The following METTL24 variants were observed in gnomAD, a reference collection of about 807,000 sequenced individuals.
METTL24 encodes the protein methyltransferase like 24.
A neutral mutation model predicts 32.7 loss-of-function variants in METTL24; 29 were observed. The ratio of observed to expected loss-of-function variants is 0.89; its 90% CI spans 0.66 to 1.21. The LOEUF (loss-of-function observed/expected upper bound fraction) is 1.21, where lower values mean the gene tolerates loss of function less well. Among genes scored for constraint, METTL24 ranks in the 50% most tolerant of loss-of-function variants. The pLI is 0.00. For synonymous variants in METTL24, 163 were observed against 179.5 expected (o/e 0.91, Z 0.73); for missense variants, 439 against 468.1 (o/e 0.94, Z 0.57).
chr6:110,327,793 T>C (rs1772041629), intron 1 of METTL24, among the ~76,000 whole-genome samples: 1 of 152,248 alleles, frequency 6.6e-6, no homozygotes, highest in African/African-American at 2.4e-5. Flanking sequence ...ACAAAAATCA[T>C]CTTTCCCTTT....
rs1778150518 is a variant in METTL24 at position 110,246,003 on chromosome 6, GTC to G, written c.1042_1043del (p.Asp348HisfsTer6). On this transcript the variant is annotated frameshift_variant, in exon 5 of 5. Transcript: ENST00000338882. LOFTEE classifies it high-confidence loss of function. ...LSKPQLFLKK[D>X]IFNASSCYTL... ...TATAACAGCTACTTGCATTGAAAAT[GTC>G]TTTCTTCAAGAATAGCTGAGGTTTA... 1 of 1,614,170 alleles carries G rather than the reference GTC, an allele frequency of 6.2e-7. No homozygotes were observed. Among genetic ancestry groups the G allele is most frequent in the Admixed American group, 1.7e-5 (1 of 60,026 alleles).
At chr6:110,272,920 T>C (rs911351788) in intron 4 of METTL24, among the ~76,000 whole-genome samples, 1 of 152,196 alleles carries the variant, frequency 6.6e-6, no homozygotes, top group African/African-American at 2.4e-5. Context: ...GGGTTGTCTG[T>C]TTACTTTGCT....
chr6:110,258,033 A>G (rs1334435557), intron 4 of METTL24, among the ~76,000 whole-genome samples: 3 of 152,196 alleles, frequency 2.0e-5, no homozygotes, highest in Non-Finnish European at 2.9e-5. Flanking sequence ...TTCAGAGTAA[A>G]ACAATAGGAC....
At chr6:110,255,347 T>C (rs556537924) in intron 4 of METTL24, among the ~76,000 whole-genome samples, 7 of 152,134 alleles carry the variant, frequency 4.6e-5, no homozygotes, top group African/African-American at 1.7e-4. Flanking sequence ...TCTCCTGAGC[T>C]GGGTGAGGTG....
intron 4 of METTL24, among the ~76,000 whole-genome samples, chr6:110,266,671 C>T (rs1770862772): frequency 1.3e-5 from 2 of 152,092 alleles, no homozygotes; most frequent in African/African-American, 4.8e-5. Context: ...TTGGTCACTT[C>T]CTTTGGGCTG....
At chr6:110,340,901 G>T (rs993400543) in intron 1 of METTL24, among the ~76,000 whole-genome samples, 1 of 151,874 alleles carries the variant, frequency 6.6e-6, no homozygotes, top group Non-Finnish European at 1.5e-5. Context: ...GAAAAGTTTG[G>T]ATTTCAAAAT....
At chr6:110,279,463 T>A (rs1771102039) in intron 4 of METTL24, among the ~76,000 whole-genome samples, 1 of 152,096 alleles carries the variant, frequency 6.6e-6, no homozygotes, top group Admixed American at 6.6e-5. Context: ...CTCTTGAGGG[T>A]AATTTAGCAA....
chr6:110,288,151 T>G (rs940023224), intron 4 of METTL24, among the ~76,000 whole-genome samples: 2 of 152,152 alleles, frequency 1.3e-5, no homozygotes, highest in Non-Finnish European at 2.9e-5. Flanking sequence ...CTGCAGGGAC[T>G]GCGTTCAAGT....
chr6:110,261,172 C>T (rs1338733162), intron 4 of METTL24, among the ~76,000 whole-genome samples: 1 of 152,090 alleles, frequency 6.6e-6, no homozygotes, highest in Admixed American at 6.5e-5. Context: ...ACAGACTTGG[C>T]AAATTGGATA....
intron 1 of METTL24, among the ~76,000 whole-genome samples, chr6:110,334,084 AG>A (rs909467797): frequency 6.8e-6 from 1 of 147,650 alleles, no homozygotes; most frequent in Admixed American, 6.7e-5. Flanking sequence ...GAACAGGAAA[AG>A]GGGGGCCTGA....
chr6:110,253,624 A>G (rs1778325259), intron 4 of METTL24, among the ~76,000 whole-genome samples: 1 of 152,212 alleles, frequency 6.6e-6, no homozygotes, highest in Non-Finnish European at 1.5e-5. Context: ...GATAAACAAA[A>G]AAAGAAGTAA....
chr6:110,345,720 A>G (rs1772459479), intron 1 of METTL24, among the ~76,000 whole-genome samples: 1 of 152,182 alleles, frequency 6.6e-6, no homozygotes, highest in South Asian at 2.1e-4. Context: ...AATGGGAGCT[A>G]ATGATGAAAA....
In METTL24 at chr6:110,245,844, G is replaced by A. The variant is rs879542467; in HGVS notation, c.*102C>T. 7 of 1,202,992 alleles carry A rather than the reference G, an allele frequency of 5.8e-6. No individual in the cohort carries two copies. The highest frequency in any genetic ancestry group is 8.2e-6 in the Non-Finnish European group (7 of 852,518). 74.5% of individuals were successfully genotyped at this position (1,202,992 alleles called of 1,614,324 possible). ...TAACACACTCCCTGCCTCAAGCAGGGCACAGGCTAGCAGGAGACTGGATGA... is the reference window on the plus strand; with the variant it reads ...TAACACACTCCCTGCCTCAAGCAGGACACAGGCTAGCAGGAGACTGGATGA... On this transcript the variant is annotated 3_prime_UTR_variant, in exon 5 of 5. Transcript: ENST00000338882.
At chr6:110,340,195 G>C (rs1353714176) in intron 1 of METTL24, among the ~76,000 whole-genome samples, 3 of 151,104 alleles carry the variant, frequency 2.0e-5, no homozygotes, top group Non-Finnish European at 4.4e-5. Context: ...GCACAAGGAG[G>C]ATGGAGCTAG....
At chr6:110,275,168 C>A (rs1425154327) in intron 4 of METTL24, among the ~76,000 whole-genome samples, 1 of 151,810 alleles carries the variant, frequency 6.6e-6, no homozygotes, top group Non-Finnish European at 1.5e-5. Context: ...TGTCCACCTT[C>A]CACAATGTTT....
intron 3 of METTL24, among the ~76,000 whole-genome samples, chr6:110,301,106 T>A (rs1771509148): frequency 6.6e-6 from 1 of 152,206 alleles, no homozygotes; most frequent in Non-Finnish European, 1.5e-5. Flanking sequence ...CACTGCTCTT[T>A]TTCCGACTGC....
intron 4 of METTL24, among the ~76,000 whole-genome samples, chr6:110,285,030 T>C (rs1481505321): frequency 4.6e-5 from 7 of 152,250 alleles, no homozygotes; most frequent in Non-Finnish European, 8.8e-5. Context: ...GCAAAAAGAA[T>C]AATCTCCATT....
intron 4 of METTL24, among the ~76,000 whole-genome samples, chr6:110,298,632 A>G (rs563269838): frequency 2.0e-5 from 3 of 152,260 alleles, no homozygotes; most frequent in East Asian, 3.9e-4. Context: ...TGAAAATGGT[A>G]TTCTTCAGCC....
chr6:110,329,543 G>A (rs976841659), intron 1 of METTL24, among the ~76,000 whole-genome samples: 12 of 152,096 alleles, frequency 7.9e-5, no homozygotes, highest in African/African-American at 2.4e-4. Context: ...GGCACAAAAT[G>A]GTATCTGGAC....
Sources: gnomAD v4.1 joint callset for allele counts (sites outside exome capture counted in the v4.1 genomes callset) on GRCh38, gnomAD v4.1.1 for gene constraint, MANE v1.5 for transcripts, NCBI Gene and HGNC (gene_info 2026-07-23, HGNC 2026-07-21) for gene names.